Variants in SLC41A2 observed in about 807,000 individuals in gnomAD.
SLC41A2 encodes solute carrier family 41 member 2, also known as SLC41A1-like 1.
Under a neutral mutation model 58.3 loss-of-function variants are expected in SLC41A2, and 32 were observed. The observed-to-expected ratio is 0.55, with a 90% CI of 0.41 to 0.74. The LOEUF (loss-of-function observed/expected upper bound fraction) is 0.74. Among genes scored for constraint, SLC41A2 ranks in the 30% least tolerant of loss-of-function variants. The pLI is 0.00. For missense variants in SLC41A2, 514 were observed against 680.6 expected, an observed-to-expected ratio of 0.76 and a Z score of 2.72; for synonymous variants, 190 against 235.0, an observed-to-expected ratio of 0.81 and a Z score of 1.75.
At chr12:104,867,035 A>T (rs2043502408) in intron 6 of SLC41A2, among the ~76,000 whole-genome samples, 1 of 152,118 alleles carries the variant, frequency 6.6e-6, no homozygotes, top group Non-Finnish European at 1.5e-5. Context: ...AAATAGGGAG[A>T]GCCGGAAGAA....
chr12:104,925,892 T>C (rs1482436676), intron 2 of SLC41A2, among the ~76,000 whole-genome samples: 1 of 152,240 alleles, frequency 6.6e-6, no homozygotes, highest in African/African-American at 2.4e-5. Context: ...TTGTCGCAGC[T>C]GTGATACTAC....
chr12:104,827,428 CTGT>C (rs199937545), intron 10 of SLC41A2, among the ~76,000 whole-genome samples: 1,924 of 152,306 alleles, frequency 0.013, 52 homozygotes, highest in African/African-American at 0.044. Flanking sequence ...CAGAGTGCAC[CTGT>C]TAACTGCTAA....
intron 10 of SLC41A2, among the ~76,000 whole-genome samples, chr12:104,820,639 A>G (rs900490236): frequency 1.3e-5 from 2 of 152,042 alleles, no homozygotes; most frequent in Non-Finnish European, 2.9e-5. Context: ...TATTTAATGT[A>G]GGGAATTTTT....
intron 8 of SLC41A2, among the ~76,000 whole-genome samples, chr12:104,850,593 T>G (rs1359215223): frequency 6.6e-6 from 1 of 152,186 alleles, no homozygotes; most frequent in Non-Finnish European, 1.5e-5. Flanking sequence ...AGGAAAAGCA[T>G]GAGCTTCCCC....
chr12:104,819,888 C>T (rs2041559273), intron 10 of SLC41A2, among the ~76,000 whole-genome samples: 1 of 152,214 alleles, frequency 6.6e-6, no homozygotes, highest in Admixed American at 6.5e-5. Context: ...TGAGTTTTCA[C>T]AAGAGCTGAC....
intron 10 of SLC41A2, chr12:104,833,954 A>G (rs948366692): frequency 1.1e-5 from 10 of 902,302 alleles, no homozygotes; most frequent in Non-Finnish European, 1.3e-5. Flanking sequence ...CATATCTGCA[A>G]TGTCAGCAGG....
chr12:104,842,235 A>C (rs970027692), intron 10 of SLC41A2, among the ~76,000 whole-genome samples: 3 of 152,014 alleles, frequency 2.0e-5, no homozygotes, highest in African/African-American at 7.2e-5. Flanking sequence ...GTGTGTGTGC[A>C]TGTGCTTATG....
At chr12:104,861,887 G>A (rs1453870814) in intron 7 of SLC41A2, among the ~76,000 whole-genome samples, 1 of 152,128 alleles carries the variant, frequency 6.6e-6, no homozygotes, top group Non-Finnish European at 1.5e-5. Flanking sequence ...TCTTATTACT[G>A]GCAAATTAAA....
At chr12:104,906,688 G>C (rs1307003868) in intron 3 of SLC41A2, among the ~76,000 whole-genome samples, 2 of 152,068 alleles carry the variant, frequency 1.3e-5, no homozygotes, top group African/African-American at 2.4e-5. Context: ...CATTTGTATT[G>C]CTACCCCAAG....
chr12:104,850,806 T>C (rs1161502810), intron 8 of SLC41A2, among the ~76,000 whole-genome samples: 3 of 152,222 alleles, frequency 2.0e-5, no homozygotes, highest in Non-Finnish European at 4.4e-5. Flanking sequence ...CAGTTCATCA[T>C]AAAAATGTTT....
chr12:104,914,707 C>A (rs1450504614), intron 2 of SLC41A2, among the ~76,000 whole-genome samples: 1 of 152,204 alleles, frequency 6.6e-6, no homozygotes, highest in African/African-American at 2.4e-5. Flanking sequence ...GTCAGATCAC[C>A]TTCACTGAAA....
chr12:104,801,894 T>G lies in SLC41A2; in HGVS notation c.*3258A>C, dbSNP rs1024204920. On this transcript the variant is annotated 3_prime_UTR_variant, in exon 11 of 11. Coordinates refer to ENST00000258538, the MANE Select transcript of SLC41A2 (RefSeq NM_001352171.3). ...CTGGGAGATTTCCACACTGGCTTGATGTTCTCTAGTTCATCAAGAAGTAAG... is the reference window on the plus strand; with the variant it reads ...CTGGGAGATTTCCACACTGGCTTGAGGTTCTCTAGTTCATCAAGAAGTAAG... Among the ~76,000 whole-genome samples the G allele has an allele frequency of 1.3e-5, 2 of 152,218 alleles. No individual in the cohort carries two copies. Among genetic ancestry groups the G allele is most frequent in the African/African-American group, 4.8e-5 (2 of 41,462 alleles).
chr12:104,905,296 C>G (rs534139378), intron 3 of SLC41A2, among the ~76,000 whole-genome samples: 1 of 151,736 alleles, frequency 6.6e-6, no homozygotes, highest in East Asian at 1.9e-4. Flanking sequence ...AGGTTCTCCA[C>G]GTCCTCACCA....
At chr12:104,834,408 C>G (rs1437705590) in intron 10 of SLC41A2, among the ~76,000 whole-genome samples, 2 of 152,098 alleles carry the variant, frequency 1.3e-5, no homozygotes, top group Non-Finnish European at 2.9e-5. Context: ...ATTCTAGGAA[C>G]TATAGGCCCT....
chr12:104,864,350 G>C (rs2135517567), intron 7 of SLC41A2, among the ~76,000 whole-genome samples: 1 of 152,152 alleles, frequency 6.6e-6, no homozygotes, highest in African/African-American at 2.4e-5. Flanking sequence ...TCTTACACGT[G>C]GTTGATATTG....
At chr12:104,937,919 G>A (rs1304511247) in intron 1 of SLC41A2, among the ~76,000 whole-genome samples, 1 of 152,200 alleles carries the variant, frequency 6.6e-6, no homozygotes, top group Admixed American at 6.5e-5. Flanking sequence ...AATGCATACA[G>A]CCCTACTTGT....
intron 1 of SLC41A2, among the ~76,000 whole-genome samples, chr12:104,956,247 C>T (rs115606023): frequency 0.014 from 2,163 of 152,288 alleles, 14 homozygotes; most frequent in Middle Eastern, 0.02. Flanking sequence ...TGAAGTGGCA[C>T]TTATTCAACC....
chr12:104,949,664 A>G (rs536167086), intron 1 of SLC41A2, among the ~76,000 whole-genome samples: 1 of 152,128 alleles, frequency 6.6e-6, no homozygotes, highest in African/African-American at 2.4e-5. Flanking sequence ...GCTCACCACA[A>G]CCTCTGCCTC....
At chr12:104,925,749 T>C (rs962269050) in intron 2 of SLC41A2, among the ~76,000 whole-genome samples, 1 of 152,172 alleles carries the variant, frequency 6.6e-6, no homozygotes, top group Non-Finnish European at 1.5e-5. Flanking sequence ...TAATGAGCTA[T>C]ATAAACATTC....
Sources: gnomAD v4.1 joint callset for allele counts (sites outside exome capture counted in the v4.1 genomes callset) on GRCh38, gnomAD v4.1.1 for gene constraint, MANE v1.5 for transcripts, NCBI Gene and HGNC (gene_info 2026-07-23, HGNC 2026-07-21) for gene names.